RARB: variants seen among roughly 807,000 people sequenced by gnomAD.
The protein encoded by RARB is retinoic acid receptor beta, also known as HBV-activated protein.
In RARB, 17 loss-of-function variants were observed where a neutral mutation model predicts 51.9. The observed-to-expected ratio is 0.33, with a 90% confidence interval of 0.22 to 0.49. The LOEUF is 0.49. Among genes scored for constraint, RARB ranks in the 20% least tolerant of loss-of-function variants. RARB has a pLI of 0.99. For synonymous variants in RARB, 215 were observed against 195.4 expected, an observed-to-expected ratio of 1.10 and a Z score of -0.84; for missense variants, 369 against 550.8, an observed-to-expected ratio of 0.67 and a Z score of 3.30.
chr3:25,422,514 G>A (rs974936986), intron 5 of RARB, among the ~76,000 whole-genome samples: 2 of 152,082 alleles, frequency 1.3e-5, no homozygotes, highest in African/African-American at 4.8e-5. Context: ...TGGGGTGTTC[G>A]TGGAAATAAT....
chr3:24,898,801 C>T (rs1227435502), intron 2 of RARB, among the ~76,000 whole-genome samples: 1 of 152,110 alleles, frequency 6.6e-6, no homozygotes, highest in Non-Finnish European at 1.5e-5. Flanking sequence ...GGCTTTTGTC[C>T]TTCCTGTTGC....
chr3:25,392,410 A>G (rs1706991300), intron 5 of RARB, among the ~76,000 whole-genome samples: 1 of 151,594 alleles, frequency 6.6e-6, no homozygotes, highest in African/African-American at 2.4e-5. Context: ...AAGATTGTAT[A>G]TTTTAGTTGT....
chr3:25,347,526 A>G (rs1254625020), intron 5 of RARB, among the ~76,000 whole-genome samples: 1 of 152,196 alleles, frequency 6.6e-6, no homozygotes, highest in Non-Finnish European at 1.5e-5. Context: ...AGTTTTCTCT[A>G]TCTTATTATT....
At chr3:25,045,779 A>C (rs1243877923) in intron 2 of RARB, among the ~76,000 whole-genome samples, 1 of 152,272 alleles carries the variant, frequency 6.6e-6, no homozygotes, top group Non-Finnish European at 1.5e-5. Context: ...GCAAAGCTTC[A>C]GAACTTCTTA....
intron 5 of RARB, among the ~76,000 whole-genome samples, chr3:25,319,707 G>A (rs1244768660): frequency 6.6e-6 from 1 of 152,166 alleles, no homozygotes; most frequent in East Asian, 1.9e-4. Flanking sequence ...AGATCTTGAT[G>A]AGAAAGTGAT....
At chr3:25,546,374 G>T (rs1213726142) in intron 3 of RARB, among the ~76,000 whole-genome samples, 2 of 152,182 alleles carry the variant, frequency 1.3e-5, no homozygotes, top group Non-Finnish European at 2.9e-5. Context: ...CAGGGCAGAG[G>T]CAGAGAGAGT....
chr3:25,565,714 C>T (rs1198192746), intron 3 of RARB, among the ~76,000 whole-genome samples: 1 of 152,164 alleles, frequency 6.6e-6, no homozygotes, highest in East Asian at 1.9e-4. Flanking sequence ...CACAGTAATC[C>T]CCACAAGTCC....
intron 2 of RARB, among the ~76,000 whole-genome samples, chr3:24,948,268 G>A (rs1695816364): frequency 6.6e-6 from 1 of 152,172 alleles, no homozygotes; most frequent in Non-Finnish European, 1.5e-5. Context: ...AAAAAGTCCA[G>A]GCAGAGGGGA....
intron 2 of RARB, among the ~76,000 whole-genome samples, chr3:25,471,661 G>C (rs1695703034): frequency 6.6e-6 from 1 of 151,722 alleles, no homozygotes; most frequent in Non-Finnish European, 1.5e-5. Flanking sequence ...GGTTTTAAGA[G>C]GCTTATAAAT....
intron 5 of RARB, among the ~76,000 whole-genome samples, chr3:25,234,050 G>T (rs1252230547): frequency 6.6e-6 from 1 of 151,886 alleles, no homozygotes; most frequent in Non-Finnish European, 1.5e-5. Flanking sequence ...GTCTTGTTTT[G>T]CTTTAGGGTA....
chr3:24,954,069 C>A (rs1695956420), intron 2 of RARB, among the ~76,000 whole-genome samples: 1 of 151,998 alleles, frequency 6.6e-6, no homozygotes, highest in Non-Finnish European at 1.5e-5. Context: ...TCTCCCTATT[C>A]TTTTTCCCAT....
intron 5 of RARB, among the ~76,000 whole-genome samples, chr3:25,224,240 A>G (rs547546224): frequency 1.3e-5 from 2 of 152,330 alleles, no homozygotes; most frequent in African/African-American, 4.8e-5. Context: ...ACTGAAAACA[A>G]AAGATAGATC....
At chr3:25,151,622 C>G (rs183710158) in intron 4 of RARB, among the ~76,000 whole-genome samples, 4 of 152,294 alleles carry the variant, frequency 2.6e-5, no homozygotes, top group Admixed American at 2.6e-4. Flanking sequence ...GTGTTCTTCT[C>G]AGATATCCAT....
At chr3:24,860,719 T>G (rs2125341675) in intron 2 of RARB, among the ~76,000 whole-genome samples, 1 of 152,268 alleles carries the variant, frequency 6.6e-6, no homozygotes. Context: ...ACCCCCTAAG[T>G]ATGTTGAAAT....
intron 1 of RARB, among the ~76,000 whole-genome samples, chr3:25,456,627 A>G (rs1694923419): frequency 7.4e-6 from 1 of 134,798 alleles, no homozygotes; most frequent in Non-Finnish European, 1.6e-5. Flanking sequence ...GAAATAAAAG[A>G]CCACTGACCA....
At chr3:25,312,377 A>G (rs1470791870) in intron 5 of RARB, among the ~76,000 whole-genome samples, 3 of 152,194 alleles carry the variant, frequency 2.0e-5, no homozygotes, top group East Asian at 3.9e-4. Flanking sequence ...TTTTCCAGAT[A>G]AAGACCTAAG....
At chr3:25,042,919 T>C (rs1430370942) in intron 2 of RARB, among the ~76,000 whole-genome samples, 3 of 152,222 alleles carry the variant, frequency 2.0e-5, no homozygotes, top group East Asian at 3.9e-4. Context: ...TTTTCTCAGC[T>C]CTGATGTCAG....
chr3:25,199,472 C>CT (rs1448791519), intron 5 of RARB, among the ~76,000 whole-genome samples: 3 of 152,006 alleles, frequency 2.0e-5, no homozygotes, highest in Non-Finnish European at 4.4e-5. Flanking sequence ...TATTATTATA[C>CT]TTTAAGTTTT....
In RARB at chr3:25,032,221, G is replaced by A. The variant is rs138514634; in HGVS notation, c.-379-27904G>A. Among the ~76,000 whole-genome samples, 1,281 of 152,296 alleles carry A rather than the reference G, an allele frequency of 8.4e-3. 9 individuals are homozygous for A. The highest frequency in any genetic ancestry group is 0.013 in the Non-Finnish European group (907 of 68,028). The stretch of plus-strand genomic sequence containing the variant: ...TAAAATTGGATTATAAAAGACATCC[G>A]CAATCAGTGAGCTGTCTTATTTATC... On this transcript the variant is annotated intron_variant, in intron 2 of 11. Transcript: ENST00000383772.
Sources: allele counts gnomAD v4.1 joint callset (sites outside exome capture counted in the v4.1 genomes callset), GRCh38; gene constraint gnomAD v4.1.1; transcripts MANE v1.5; gene names NCBI Gene and HGNC (gene_info 2026-07-23, HGNC 2026-07-21).